The following FZD2 variants were observed in gnomAD, a reference collection of about 807,000 sequenced individuals.
FZD2 encodes frizzled-2.
FZD2 carries 17 observed loss-of-function variants against 36.7 expected under a neutral mutation model. That is an observed-to-expected ratio of 0.46 (90% confidence interval 0.32 to 0.70). The LOEUF is 0.70. Among genes scored for constraint, FZD2 ranks in the 30% least tolerant of loss-of-function variants. The probability of loss-of-function intolerance (pLI) is 0.04; values close to 1 mark genes in which losing one functional copy is unlikely to be tolerated. For missense variants in FZD2, 525 were observed against 805.6 expected, an observed-to-expected ratio of 0.65 and a Z score of 4.22; for synonymous variants, 333 against 359.6, an observed-to-expected ratio of 0.93 and a Z score of 0.84.
Position 44,558,452 on chromosome 17 carries a change from G to A in FZD2, c.764G>A (p.Cys255Tyr). ...TGGATCCTCACCTGGTCGGTGCTGT[G>A]CTGCGCTTCCACCTTCTTCACTGTC... The part of the protein sequence containing the change: ...RLWILTWSVL[C>Y]CASTFFTVTT... Residue 255 changes from cysteine to tyrosine, a missense_variant, in exon 1 of 1, where the codon TGC becomes TAC. Physicochemically the swap from Cys to Tyr is radical, Grantham distance 194 (BLOSUM62 -2). Transcript: ENST00000315323. The surrounding 1 kb of genome is among the most constrained non-coding windows in gnomAD (Gnocchi z 9.3). 6.3e-7 allele frequency: 1 copy of A among 1,589,748 alleles called. No homozygotes were observed.
In FZD2 at chr17:44,559,349, G is replaced by T. The variant is rs749987687; in HGVS notation, c.1661G>T (p.Arg554Leu). The T allele has an allele frequency of 2.5e-6, 4 of 1,610,892 alleles. No individual in the cohort carries two copies. Among genetic ancestry groups the T allele is most frequent in the African/African-American group, 1.3e-5 (1 of 74,924 alleles). The change falls in exon 1 of 1, where the codon CGC (arginine) becomes CTC (leucine). Residue 554 changes from arginine (R) to leucine (L), a missense_variant. By Grantham distance (102) the Arg-to-Leu change is moderately radical. Transcript: ENST00000315323. This position sits in a 1 kb window ranked among gnomAD's most constrained non-coding sequence, Gnocchi z 4.4. ...CACTCGTGGAGGAAGTTCTACACTC[G>T]CCTCACCAACAGCCGACACGGTGAG... ...TLHSWRKFYT[R>L]LTNSRHGETT...
Position 44,559,026 on chromosome 17 carries a change from G to T in FZD2, c.1338G>T (p.Lys446Asn). The T allele has an allele frequency of 6.2e-7, 1 of 1,614,192 alleles. No homozygotes were observed. Among genetic ancestry groups the T allele is most frequent in the East Asian group, 2.2e-5 (1 of 44,884 alleles). ...TCTTCCGCATCCGCACCATCATGAA[G>T]CACGACGGCACCAAGACCGAAAAGC... is the stretch of plus-strand genomic sequence containing the variant. ...VSLFRIRTIM[K>N]HDGTKTEKLE... Residue 446 changes from lysine to asparagine, a missense_variant, in exon 1 of 1, where the codon AAG becomes AAT. Lys to Asn is a moderately conservative substitution (Grantham distance 94). Coordinates refer to ENST00000315323, the MANE Select transcript of FZD2 (RefSeq NM_001466.4). The surrounding 1 kb of genome is among the most constrained non-coding windows in gnomAD (Gnocchi z 4.4).
chr17:44,558,613 C>A lies in FZD2; in HGVS notation c.925C>A (p.Arg309Ser), dbSNP rs747650126. The change falls in exon 1 of 1, where the codon CGC becomes AGC. Residue 309 changes from arginine (R) to serine (S), a missense_variant. Around this residue, in one of 5 missense-constraint regions of FZD2, gnomAD observed 257 missense variants for 344.4 expected, o/e 0.75. Transcript: ENST00000315323. This position sits in a 1 kb window ranked among gnomAD's most constrained non-coding sequence, Gnocchi z 9.3. Reference sequence around the variant, plus strand: ...CCAGGAGCGCGTGGTGTGCAACGAGCGCTTCTCCGAGGACGGTTACCGCAC... The same window carrying A: ...CCAGGAGCGCGTGGTGTGCAACGAGAGCTTCTCCGAGGACGGTTACCGCAC... ...VLQERVVCNE[R>S]FSEDGYRTVV... 6.2e-7 allele frequency: 1 copy of A among 1,613,402 alleles called. No homozygotes were observed. Among genetic ancestry groups the A allele is most frequent in the Non-Finnish European group, 8.5e-7 (1 of 1,179,626 alleles).
At position 44,557,511 on chromosome 17, in the gene FZD2, G is replaced by A; in HGVS notation, c.-178G>A. 1 of 505,826 alleles carries A rather than the reference G, an allele frequency of 2.0e-6. No homozygotes were observed. The highest frequency in any genetic ancestry group is 2.0e-5 in the South Asian group (1 of 50,656). 31.3% of individuals were successfully genotyped at this position (505,826 alleles called of 1,614,324 possible). On this transcript the variant is annotated 5_prime_UTR_variant, in exon 1 of 1. Transcript: ENST00000315323. This position sits in a 1 kb window ranked among gnomAD's most constrained non-coding sequence, Gnocchi z 4.9. ...TCCGACCGCGGCAAGCAAGCGGGCA[G>A]GCGCACCGCCCCCTCCCCCGCCCGG...
chr17:44,559,444 A>C lies in FZD2; in HGVS notation c.*58A>C, dbSNP rs1443510144. 6.8e-7 allele frequency: 1 copy of C among 1,467,940 alleles called. No homozygotes were observed. The highest frequency in any genetic ancestry group is 9.0e-7 in the Non-Finnish European group (1 of 1,112,404). The allele number at this position is 1,467,940 out of a possible 1,614,324, so 90.9% of individuals were successfully genotyped here. A position where few individuals can be genotyped will look rare whatever the true frequency, so the allele number is the denominator to read the frequency against. On this transcript the variant is annotated 3_prime_UTR_variant, in exon 1 of 1. Transcript: ENST00000315323. The surrounding 1 kb of genome is among the most constrained non-coding windows in gnomAD (Gnocchi z 4.4). ...TTCCTCCGCCCGGGGTGGGGCCCCT[A>C]CAGACTCCGTATTTTATTTTTTTAA...
In FZD2 at chr17:44,557,879, C is replaced by G; in HGVS notation, c.191C>G (p.Thr64Arg). 6.2e-7 allele frequency: 1 copy of G among 1,614,184 alleles called. No individual in the cohort carries two copies. Among genetic ancestry groups the G allele is most frequent in the Non-Finnish European group, 8.5e-7 (1 of 1,180,010 alleles). The change falls in exon 1 of 1, where the codon ACG (threonine) becomes AGG (arginine). Residue 64 changes from threonine to arginine, a missense_variant. Coordinates refer to ENST00000315323, the MANE Select transcript of FZD2 (RefSeq NM_001466.4). This position sits in a 1 kb window ranked among gnomAD's most constrained non-coding sequence, Gnocchi z 4.9. The part of the protein sequence containing the change: ...QTIMPNLLGH[T>R]NQEDAGLEVH... ...ATCATGCCCAACCTTCTGGGCCACACGAACCAGGAGGACGCAGGCCTAGAG... is the reference window on the plus strand; with the variant it reads ...ATCATGCCCAACCTTCTGGGCCACAGGAACCAGGAGGACGCAGGCCTAGAG...
Position 44,559,161 on chromosome 17 carries a change from G to C in FZD2, c.1473G>C (p.Glu491Asp), listed in dbSNP as rs1970860480. ...FYEQAFREHW[E>D]RSWVSQHCKS... Reference sequence around the variant, plus strand: ...AGCAGGCCTTCCGCGAGCACTGGGAGCGCTCGTGGGTGAGCCAGCACTGCA... The same window carrying C: ...AGCAGGCCTTCCGCGAGCACTGGGACCGCTCGTGGGTGAGCCAGCACTGCA... The change falls in exon 1 of 1, where the codon GAG becomes GAC. Residue 491 changes from glutamate to aspartate, a missense_variant. Around this residue, in one of 5 missense-constraint regions of FZD2, gnomAD observed 189 missense variants for 298.1 expected, o/e 0.63. Coordinates refer to ENST00000315323, the MANE Select transcript of FZD2 (RefSeq NM_001466.4). The surrounding 1 kb of genome is among the most constrained non-coding windows in gnomAD (Gnocchi z 4.4). 2 of 1,613,828 alleles carry C rather than the reference G, an allele frequency of 1.2e-6. No homozygotes were observed. The highest frequency in any genetic ancestry group is 1.7e-5 in the Admixed American group (1 of 60,006).
At position 44,559,128 on chromosome 17, in the gene FZD2, C is replaced by T; in HGVS notation, c.1440C>T (p.Tyr480=). 6.2e-7 allele frequency: 1 copy of T among 1,614,078 alleles called. No individual in the cohort carries two copies. ...TVPATIVIAC[Y]FYEQAFREHW... is the part of the protein sequence containing the mutation. ...CCGCCACCATCGTCATCGCTTGCTA[C>T]TTCTACGAGCAGGCCTTCCGCGAGC... The change falls in exon 1 of 1, where the codon TAC becomes TAT. Residue 480 remains tyrosine, a synonymous_variant. Transcript: ENST00000315323. The surrounding 1 kb of genome is among the most constrained non-coding windows in gnomAD (Gnocchi z 4.4).
chr17:44,558,157 G>A lies in FZD2; in HGVS notation c.469G>A (p.Glu157Lys), dbSNP rs749423345. The change falls in exon 1 of 1, where the codon GAG becomes AAG. Residue 157 changes from glutamate to lysine, a missense_variant. Physicochemically the swap from Glu to Lys is moderately conservative, Grantham distance 56 (BLOSUM62 1). Transcript: ENST00000315323. The surrounding 1 kb of genome is among the most constrained non-coding windows in gnomAD (Gnocchi z 9.3). Reference sequence around the variant, plus strand: ...GATCTGCGTCGGCCAGAACCACTCCGAGGACGGAGCTCCCGCGCTACTCAC... The same window carrying A: ...GATCTGCGTCGGCCAGAACCACTCCAAGGACGGAGCTCCCGCGCTACTCAC... ...EQICVGQNHS[E>K]DGAPALLTTA... 4.4e-6 allele frequency: 7 copies of A among 1,582,644 alleles called. No homozygotes were observed. The highest frequency in any genetic ancestry group is 6.0e-6 in the Non-Finnish European group (7 of 1,166,062).
Position 44,557,497 on chromosome 17 carries a change from C to T in FZD2, c.-192C>T. ...CTCCGGCTGCTCAGTCCGACCGCGG[C>T]AAGCAAGCGGGCAGGCGCACCGCCC... On this transcript the variant is annotated 5_prime_UTR_variant, in exon 1 of 1. Transcript: ENST00000315323. This position sits in a 1 kb window ranked among gnomAD's most constrained non-coding sequence, Gnocchi z 4.9. The T allele has an allele frequency of 4.1e-6, 2 of 487,474 alleles. No individual in the cohort carries two copies. The highest frequency in any genetic ancestry group is 7.5e-6 in the Non-Finnish European group (2 of 265,290). 30.2% of individuals were successfully genotyped at this position (487,474 alleles called of 1,614,324 possible). A position where few individuals can be genotyped will look rare whatever the true frequency, so the allele number is the denominator to read the frequency against.
Position 44,559,876 on chromosome 17 carries a change from G to T in FZD2, c.*490G>T, listed in dbSNP as rs974534573. On this transcript the variant is annotated 3_prime_UTR_variant, in exon 1 of 1. Coordinates refer to ENST00000315323, the MANE Select transcript of FZD2 (RefSeq NM_001466.4). This position sits in a 1 kb window ranked among gnomAD's most constrained non-coding sequence, Gnocchi z 4.4. ...CAAATTTGTGAGCCTCCTCTCTGAC[G>T]CTGGGCCTGTGGAAGCCGTTGGATA... Among the ~76,000 whole-genome samples, 1 of 152,190 alleles carries T rather than the reference G, an allele frequency of 6.6e-6. No individual in the cohort carries two copies. The highest frequency in any genetic ancestry group is 1.5e-5 in the Non-Finnish European group (1 of 68,040).
Position 44,561,102 on chromosome 17 carries a change from T to C in FZD2, c.*1716T>C, listed in dbSNP as rs1472387686. Among the ~76,000 whole-genome samples, 4 of 152,210 alleles carry C rather than the reference T, an allele frequency of 2.6e-5. No individual in the cohort carries two copies. The highest frequency in any genetic ancestry group is 5.9e-5 in the Non-Finnish European group (4 of 68,038). ...GAGAACTCCAGTTTCCAACACATAT[T>C]ATTTCCCTCAACTATTTGGAATATT... On this transcript the variant is annotated 3_prime_UTR_variant, in exon 1 of 1. Coordinates refer to ENST00000315323, the MANE Select transcript of FZD2 (RefSeq NM_001466.4).
chr17:44,557,526 C>A lies in FZD2; in HGVS notation c.-163C>A. ...CAAGCGGGCAGGCGCACCGCCCCCT[C>A]CCCCGCCCGGCCTCCCCAACTCTGC... is the stretch of plus-strand genomic sequence containing the variant. On this transcript the variant is annotated 5_prime_UTR_variant, in exon 1 of 1. Transcript: ENST00000315323. The surrounding 1 kb of genome is among the most constrained non-coding windows in gnomAD (Gnocchi z 4.9). 1 of 527,026 alleles carries A rather than the reference C, an allele frequency of 1.9e-6. No homozygotes were observed. Among genetic ancestry groups the A allele is most frequent in the Non-Finnish European group, 3.3e-6 (1 of 307,574 alleles). The allele number at this position is 527,026 out of a possible 1,614,324, so 32.6% of individuals were successfully genotyped here. A position where few individuals can be genotyped will look rare whatever the true frequency, so the allele number is the denominator to read the frequency against.
rs766497699 is a variant in FZD2, at chr17:44,558,876, C to T, written c.1188C>T (p.Asp396=). 28 of 1,612,834 alleles carry T rather than the reference C, an allele frequency of 1.7e-5. No individual in the cohort carries two copies. Among genetic ancestry groups the T allele is most frequent in the Non-Finnish European group, 2.4e-5 (28 of 1,179,604 alleles). Residue 396 remains aspartate, a synonymous_variant, in exon 1 of 1, where the codon GAC becomes GAT. Coordinates refer to ENST00000315323, the MANE Select transcript of FZD2 (RefSeq NM_001466.4). This position sits in a 1 kb window ranked among gnomAD's most constrained non-coding sequence, Gnocchi z 9.3. ...TILAMGQIDG[D]LLSGVCFVGL... ...TGGCCATGGGCCAGATCGACGGCGACCTGCTGAGCGGCGTGTGCTTCGTAG... is the reference window on the plus strand; with the variant it reads ...TGGCCATGGGCCAGATCGACGGCGATCTGCTGAGCGGCGTGTGCTTCGTAG...
chr17:44,557,581 G>GGGAGGCGGCAGCCGCAGCGA lies in FZD2; in HGVS notation c.-98_-79dup, dbSNP rs953820823. 6 of 702,632 alleles carry GGGAGGCGGCAGCCGCAGCGA rather than the reference G, an allele frequency of 8.5e-6. No homozygotes were observed. The South Asian group carries it at 1.6e-4, about 19-fold the overall frequency. The allele number at this position is 702,632 out of a possible 1,614,324, so 43.5% of individuals were successfully genotyped here. A position where few individuals can be genotyped will look rare whatever the true frequency, so the allele number is the denominator to read the frequency against. The stretch of plus-strand genomic sequence containing the variant: ...GCGAGTAAAGTTTGCAAAGAGGCGC[G>GGGAGGCGGCAGCCGCAGCGA]GGAGGCGGCAGCCGCAGCGAGGAGG... On this transcript the variant is annotated 5_prime_UTR_variant, in exon 1 of 1. Coordinates refer to ENST00000315323, the MANE Select transcript of FZD2 (RefSeq NM_001466.4). The surrounding 1 kb of genome is among the most constrained non-coding windows in gnomAD (Gnocchi z 4.9).
In FZD2 at chr17:44,557,653, G is replaced by A. The variant is rs1482497946; in HGVS notation, c.-36G>A. On this transcript the variant is annotated 5_prime_UTR_variant, in exon 1 of 1. Coordinates refer to ENST00000315323, the MANE Select transcript of FZD2 (RefSeq NM_001466.4). This position sits in a 1 kb window ranked among gnomAD's most constrained non-coding sequence, Gnocchi z 4.9. Reference sequence around the variant, plus strand: ...TCCGGGTTGGGGGCGGGGGCGGGGGGGGCGCCAAGGAGCCGGGTGGGGGGC... The same window carrying A: ...TCCGGGTTGGGGGCGGGGGCGGGGGAGGCGCCAAGGAGCCGGGTGGGGGGC... 4.3e-6 allele frequency: 5 copies of A among 1,157,004 alleles called. No homozygotes were observed. Among genetic ancestry groups the A allele is most frequent in the Admixed American group, 4.5e-5 (1 of 22,352 alleles). 71.7% of individuals were successfully genotyped at this position (1,157,004 alleles called of 1,614,324 possible).
Position 44,558,107 on chromosome 17 carries a change from A to T in FZD2, c.419A>T (p.His140Leu). Residue 140 changes from histidine to leucine, a missense_variant, in exon 1 of 1, where the codon CAC (histidine) becomes CTC (leucine). By Grantham distance (99) the His-to-Leu change is moderately conservative (BLOSUM62 -3). This residue lies in a region of FZD2 where 257 missense variants were observed against 344.4 expected (regional missense o/e 0.75). Transcript: ENST00000315323. This position sits in a 1 kb window ranked among gnomAD's most constrained non-coding sequence, Gnocchi z 9.3. ...TGGCCCGAGCGCCTGCGCTGCGAGC[A>T]CTTCCCGCGCCACGGCGCCGAGCAG... ...FQWPERLRCEHFPRHGAEQIC... is the reference protein window; with the variant it reads ...FQWPERLRCELFPRHGAEQIC... 1 of 1,607,398 alleles carries T rather than the reference A, an allele frequency of 6.2e-7. No homozygotes were observed. The highest frequency in any genetic ancestry group is 8.5e-7 in the Non-Finnish European group (1 of 1,179,738).
rs375633511 is a variant in FZD2, at chr17:44,558,343, C to G, written c.655C>G (p.Arg219Gly). Residue 219 changes from arginine (R) to glycine (G), a missense_variant, in exon 1 of 1, where the codon CGT becomes GGT. Arg to Gly is a moderately radical substitution (Grantham distance 125). Coordinates refer to ENST00000315323, the MANE Select transcript of FZD2 (RefSeq NM_001466.4). This position sits in a 1 kb window ranked among gnomAD's most constrained non-coding sequence, Gnocchi z 9.3. ...SYLSYKFLGE[R>G]DCAAPCEPAR... ...TCTCAGCTACAAGTTTCTGGGCGAG[C>G]GTGATTGTGCTGCGCCCTGCGAACC... is the stretch of plus-strand genomic sequence containing the variant. The G allele has an allele frequency of 6.6e-7, 1 of 1,506,884 alleles. No individual in the cohort carries two copies. The highest frequency in any genetic ancestry group is 1.4e-5 in the South Asian group (1 of 72,432). 93.3% of individuals were successfully genotyped at this position (1,506,884 alleles called of 1,614,324 possible).
At position 44,557,492 on chromosome 17, in the gene FZD2, C is replaced by A. The variant is rs929486524; in HGVS notation, c.-197C>A. The A allele has an allele frequency of 2.1e-5, 10 of 482,100 alleles. No homozygotes were observed. The allele number at this position is 482,100 out of a possible 1,614,324, so 29.9% of individuals were successfully genotyped here. A position where few individuals can be genotyped will look rare whatever the true frequency, so the allele number is the denominator to read the frequency against. ...GGTGTCTCCGGCTGCTCAGTCCGAC[C>A]GCGGCAAGCAAGCGGGCAGGCGCAC... On this transcript the variant is annotated 5_prime_UTR_variant, in exon 1 of 1. Transcript: ENST00000315323. The surrounding 1 kb of genome is among the most constrained non-coding windows in gnomAD (Gnocchi z 4.9).
Sources: gnomAD v4.1 joint callset for allele counts (sites outside exome capture counted in the v4.1 genomes callset) on GRCh38, gnomAD v4.1.1 for gene constraint, gnomAD v4.1.1 regional missense constraint, Gnocchi (gnomAD v3.1) non-coding constraint, MANE v1.5 for transcripts, NCBI Gene and HGNC (gene_info 2026-07-23, HGNC 2026-07-21) for gene names.